Variants in PCDHGB3 observed in about 807,000 individuals in gnomAD.
The protein encoded by PCDHGB3 is protocadherin gamma-B3.
Under a neutral mutation model 59.2 loss-of-function variants are expected in PCDHGB3, and 40 were observed. The ratio of observed to expected loss-of-function variants is 0.68; its 90% CI spans 0.52 to 0.88. PCDHGB3 has a LOEUF of 0.88. Ranked by LOEUF, PCDHGB3 falls within the 40% of genes least tolerant of loss-of-function variation. The probability of loss-of-function intolerance (pLI) is 0.00; values close to 1 mark genes in which losing one functional copy is unlikely to be tolerated. For synonymous variants in PCDHGB3, 581 were observed against 503.6 expected, an observed-to-expected ratio of 1.15 and a Z score of -2.06; for missense variants, 1,309 against 1,187.9, an observed-to-expected ratio of 1.10 and a Z score of -1.50.
chr5:141,469,581 A>G (rs543624370), intron 1 of PCDHGB3, among the ~76,000 whole-genome samples: 1 of 152,340 alleles, frequency 6.6e-6, no homozygotes, highest in Admixed American at 6.5e-5. Flanking sequence ...CTCTAAATAA[A>G]TAAATAAATA....
chr5:141,387,136 T>G (rs985189189), intron 1 of PCDHGB3, among the ~76,000 whole-genome samples: 1 of 152,210 alleles, frequency 6.6e-6, no homozygotes, highest in Non-Finnish European at 1.5e-5. Context: ...CTGAAACTAT[T>G]GGGAAGGGGG....
In PCDHGB3 at chr5:141,454,516, C is replaced by T. The variant is rs375583922; in HGVS notation, c.2416-40291C>T. On this transcript the variant is annotated intron_variant, in intron 1 of 3. Coordinates refer to ENST00000576222, the MANE Select transcript of PCDHGB3 (RefSeq NM_018924.5). Reference sequence around the variant, plus strand: ...CCACCTCCTGGATTCAGGCAGTTCTCCTGCCTCAGCCTCCCAAGTAGCTGA... The same window carrying T: ...CCACCTCCTGGATTCAGGCAGTTCTTCTGCCTCAGCCTCCCAAGTAGCTGA... Among the ~76,000 whole-genome samples the T allele has an allele frequency of 1.2e-4, 18 of 152,288 alleles. No individual in the cohort carries two copies. In the East Asian group the frequency reaches 3.1e-3, roughly 26 times the overall value.
Position 141,422,832 on chromosome 5 carries a change from A to G in PCDHGB3, c.2415+50023A>G, listed in dbSNP as rs12520854. On this transcript the variant is annotated intron_variant, in intron 1 of 3. Coordinates refer to ENST00000576222, the MANE Select transcript of PCDHGB3 (RefSeq NM_018924.5). Reference sequence around the variant, plus strand: ...GAGACTTAGAACTGAGAGTGATAGCACGTGACAGCGGGGACCCGCCCCTCA... The same window carrying G: ...GAGACTTAGAACTGAGAGTGATAGCGCGTGACAGCGGGGACCCGCCCCTCA... The G allele has an allele frequency of 6.8e-3, 10,902 of 1,614,192 alleles. 60 individuals are homozygous for G. The highest frequency in any genetic ancestry group is 7.9e-3 in the Non-Finnish European group (9,294 of 1,180,036).
intron 1 of PCDHGB3, among the ~76,000 whole-genome samples, chr5:141,449,131 G>A (rs530494400): frequency 7.9e-5 from 12 of 152,220 alleles, no homozygotes; most frequent in Non-Finnish European, 1.3e-4. Flanking sequence ...CCCAGAAATG[G>A]AATTGAAATT....
At chr5:141,436,588 G>A (rs1182294845) in intron 1 of PCDHGB3, among the ~76,000 whole-genome samples, 3 of 152,138 alleles carry the variant, frequency 2.0e-5, no homozygotes, top group Non-Finnish European at 2.9e-5. Context: ...AATTTGAAAG[G>A]TCGTGGTGAT....
At chr5:141,456,099 G>A (rs1428094221) in intron 1 of PCDHGB3, among the ~76,000 whole-genome samples, 5 of 151,980 alleles carry the variant, frequency 3.3e-5, no homozygotes, top group East Asian at 1.9e-4. Flanking sequence ...GGATTTCACC[G>A]TGTTAGCCAG....
chr5:141,403,580 C>G, intron 1 of PCDHGB3: 1 of 1,613,942 alleles, frequency 6.2e-7, no homozygotes, highest in Non-Finnish European at 8.5e-7. Flanking sequence ...TGCCCACCAC[C>G]TGGTCCTCAC....
intron 1 of PCDHGB3, chr5:141,382,864 C>G (rs775003646): frequency 1.3e-6 from 2 of 1,516,562 alleles, no homozygotes; most frequent in Non-Finnish European, 8.8e-7. Context: ...AAGCACTTCC[C>G]GAGATCGGCG....
intron 1 of PCDHGB3, chr5:141,395,176 A>G (rs750497200): frequency 1.1e-5 from 18 of 1,614,206 alleles, no homozygotes; most frequent in East Asian, 8.9e-5. Flanking sequence ...TGTGAGAAAA[A>G]TGATTCTTTG....
At chr5:141,482,888 A>G (rs1012212528) in intron 1 of PCDHGB3, among the ~76,000 whole-genome samples, 3 of 152,208 alleles carry the variant, frequency 2.0e-5, no homozygotes, top group African/African-American at 7.2e-5. Context: ...CCTGGCCAAC[A>G]TGGTGAAACC....
intron 1 of PCDHGB3, chr5:141,400,651 C>G (rs2094056317): frequency 8.6e-7 from 1 of 1,166,874 alleles, no homozygotes; most frequent in African/African-American, 1.5e-5. Flanking sequence ...GAAAGCTGTC[C>G]TACCATTCTT....
At chr5:141,484,352 T>A (rs112226980) in intron 1 of PCDHGB3, among the ~76,000 whole-genome samples, 8,127 of 152,270 alleles carry the variant, frequency 0.053, 445 homozygotes, top group African/African-American at 0.15. Context: ...TAATTTAGTG[T>A]ATCTAGTGTA....
chr5:141,398,545 C>T (rs774657005), intron 1 of PCDHGB3: 2 of 1,613,768 alleles, frequency 1.2e-6, no homozygotes, highest in Non-Finnish European at 1.7e-6. Flanking sequence ...TTCCTTTGAG[C>T]TGCAAATAAG....
intron 1 of PCDHGB3, among the ~76,000 whole-genome samples, chr5:141,401,057 A>G (rs1021828194): frequency 1.3e-5 from 2 of 152,170 alleles, no homozygotes; most frequent in Non-Finnish European, 2.9e-5. Flanking sequence ...AAAATACTAT[A>G]TGTTGGCTGG....
chr5:141,387,086 A>G (rs761672201), intron 1 of PCDHGB3, among the ~76,000 whole-genome samples: 4 of 152,226 alleles, frequency 2.6e-5, no homozygotes, highest in Non-Finnish European at 5.9e-5. Context: ...GCCTGTGATC[A>G]TCGAAATGAG....
chr5:141,395,241 A>T (rs1398967812), intron 1 of PCDHGB3: 1 of 1,571,196 alleles, frequency 6.4e-7, no homozygotes, highest in East Asian at 2.3e-5. Context: ...TGGTCAGGTG[A>T]GTTTAGTTCT....
intron 1 of PCDHGB3, chr5:141,427,297 A>G (rs1292641772): frequency 2.2e-6 from 1 of 456,900 alleles, no homozygotes; most frequent in Non-Finnish European, 4.4e-6. Context: ...ATCCTAGATG[A>G]GAATGACAAT....
At chr5:141,374,350 G>C (rs2150038987) in intron 1 of PCDHGB3, 1 of 1,614,038 alleles carries the variant, frequency 6.2e-7, no homozygotes, top group Non-Finnish European at 8.5e-7. Context: ...CCGCGGGTAG[G>C]ATAGACCGCG....
At chr5:141,374,379 G>T in intron 1 of PCDHGB3, 11 of 1,614,042 alleles carry the variant, frequency 6.8e-6, no homozygotes, top group Non-Finnish European at 9.3e-6. Flanking sequence ...TGTGCTCAGA[G>T]CCCGCGGTGT....
Sources: allele counts gnomAD v4.1 joint callset (sites outside exome capture counted in the v4.1 genomes callset), GRCh38; gene constraint gnomAD v4.1.1; transcripts MANE v1.5; gene names NCBI Gene and HGNC (gene_info 2026-07-23, HGNC 2026-07-21).